The following STAU2 variants were observed in gnomAD, a reference collection of about 807,000 sequenced individuals.
STAU2 encodes the protein staufen double-stranded RNA binding protein 2.
In STAU2, 20 loss-of-function variants were observed where a neutral mutation model predicts 65.9. The ratio of observed to expected loss-of-function variants is 0.30; its 90% CI spans 0.21 to 0.44. The LOEUF (loss-of-function observed/expected upper bound fraction) is 0.44. Among genes scored for constraint, STAU2 ranks in the 20% least tolerant of loss-of-function variants. STAU2 has a pLI of 1.00. For missense variants in STAU2, 558 were observed against 683.9 expected, an observed-to-expected ratio of 0.82 and a Z score of 2.05; for synonymous variants, 232 against 233.9, an observed-to-expected ratio of 0.99 and a Z score of 0.07.
chr8:73,571,793 C>G (rs564722751), intron 12 of STAU2, among the ~76,000 whole-genome samples: 107 of 152,178 alleles, frequency 7.0e-4, no homozygotes, highest in Admixed American at 2.2e-3. Flanking sequence ...CAAGAGAAAG[C>G]AGGAAAGATC....
chr8:73,541,377 A>G (rs1806532728), intron 13 of STAU2, among the ~76,000 whole-genome samples: 1 of 152,184 alleles, frequency 6.6e-6, no homozygotes, highest in African/African-American at 2.4e-5. Flanking sequence ...AATACTGAGT[A>G]GACTGTATCA....
intron 8 of STAU2, among the ~76,000 whole-genome samples, chr8:73,614,844 T>C (rs1004217544): frequency 6.6e-6 from 1 of 152,208 alleles, no homozygotes; most frequent in Non-Finnish European, 1.5e-5. Context: ...CAATAGGATC[T>C]CAAGTACATT....
intron 10 of STAU2, among the ~76,000 whole-genome samples, 178 bp from the exon 11 acceptor site, chr8:73,595,475 G>T (rs1811113830): frequency 6.6e-6 from 1 of 151,988 alleles, no homozygotes; most frequent in Non-Finnish European, 1.5e-5. Context: ...TGAAAAAATG[G>T]TCCTTAAAGT....
intron 5 of STAU2, chr8:73,675,523 C>T (rs763540013): frequency 6.6e-6 from 1 of 152,178 alleles, no homozygotes; most frequent in African/African-American, 2.4e-5. Flanking sequence ...CAAAAGTCGT[C>T]ACTGATGGGA....
chr8:73,580,038 C>T (rs1347849964), intron 12 of STAU2, among the ~76,000 whole-genome samples: 1 of 152,048 alleles, frequency 6.6e-6, no homozygotes, highest in East Asian at 1.9e-4. Flanking sequence ...GATTAAAATT[C>T]CCCTCTTTCC....
chr8:73,604,139 A>G (rs1321676416), intron 9 of STAU2, among the ~76,000 whole-genome samples: 2 of 152,102 alleles, frequency 1.3e-5, no homozygotes, highest in Non-Finnish European at 1.5e-5. Context: ...GTGCTTCACA[A>G]CTTCTGTTCA....
intron 5 of STAU2, among the ~76,000 whole-genome samples, chr8:73,688,135 T>C (rs1819070123): frequency 6.6e-6 from 1 of 152,080 alleles, no homozygotes; most frequent in Non-Finnish European, 1.5e-5. Flanking sequence ...TAAAGCAAAT[T>C]TTAAAAACAA....
chr8:73,534,200 GAAGAGTACAGGCAGC>G (rs1364313824), intron 13 of STAU2, among the ~76,000 whole-genome samples: 1 of 152,218 alleles, frequency 6.6e-6, no homozygotes, highest in Non-Finnish European at 1.5e-5. Context: ...GCCTTGCACA[GAAGAGTACAGGCAGC>G]AAGGAGCTGA....
At chr8:73,545,020 A>G (rs1806807200) in intron 13 of STAU2, among the ~76,000 whole-genome samples, 1 of 152,180 alleles carries the variant, frequency 6.6e-6, no homozygotes, top group African/African-American at 2.4e-5. Context: ...GCCCAGTGTG[A>G]GCAAACAAAT....
At chr8:73,717,055 A>G (rs1057040647) in intron 3 of STAU2, among the ~76,000 whole-genome samples, 10 of 152,146 alleles carry the variant, frequency 6.6e-5, no homozygotes, top group African/African-American at 2.4e-4. Flanking sequence ...TGAGCCAAGA[A>G]GGTACCACTG....
chr8:73,688,525 TGTGTGTAG>T, intron 5 of STAU2, 121 bp downstream of exon 5: 1 of 728,104 alleles, frequency 1.4e-6, no homozygotes, highest in Non-Finnish European at 2.3e-6. Context: ...TGTGTGTGTG[TGTGTGTAG>T]GTATGGGCAT....
At chr8:73,658,365 C>T (rs561210340) in intron 6 of STAU2, among the ~76,000 whole-genome samples, 9 of 151,840 alleles carry the variant, frequency 5.9e-5, no homozygotes, top group Non-Finnish European at 1.3e-4. Flanking sequence ...AACACTCCAT[C>T]TCAATTAAAA....
chr8:73,464,431 A>G (rs911163426), intron 13 of STAU2, among the ~76,000 whole-genome samples: 3 of 152,210 alleles, frequency 2.0e-5, no homozygotes, highest in African/African-American at 7.2e-5. Flanking sequence ...TTCTATGAAG[A>G]GACTCCAACT....
At chr8:73,661,260 C>A (rs2130322414) in intron 6 of STAU2, among the ~76,000 whole-genome samples, 2 of 152,256 alleles carry the variant, frequency 1.3e-5, no homozygotes, top group Middle Eastern at 6.8e-3. Context: ...AAGGCAGAAG[C>A]TAAGCAACTG....
chr8:73,621,485 C>A (rs1168486453), intron 6 of STAU2, among the ~76,000 whole-genome samples: 1 of 152,164 alleles, frequency 6.6e-6, no homozygotes, highest in Non-Finnish European at 1.5e-5. Context: ...AAGTGATGTA[C>A]ATATTTTTAC....
chr8:73,701,222 T>C (rs931662829), intron 4 of STAU2, among the ~76,000 whole-genome samples: 2 of 152,078 alleles, frequency 1.3e-5, no homozygotes, highest in Admixed American at 1.3e-4. Context: ...TGGGCAAACA[T>C]TTCTTGAGTA....
chr8:73,540,684 T>A (rs532867450), intron 13 of STAU2, among the ~76,000 whole-genome samples: 1 of 152,198 alleles, frequency 6.6e-6, no homozygotes, highest in Non-Finnish European at 1.5e-5. Context: ...CAAAGTCTTT[T>A]GCAGATATCA....
chr8:73,745,888 A>T (rs1424840654), intron 1 of STAU2, among the ~76,000 whole-genome samples: 1 of 152,090 alleles, frequency 6.6e-6, no homozygotes, highest in African/African-American at 2.4e-5. Context: ...CTCCCTAAGA[A>T]TCCCAGAGTG....
intron 13 of STAU2, among the ~76,000 whole-genome samples, chr8:73,449,063 C>T (rs1039650139): frequency 4.6e-5 from 7 of 152,222 alleles, no homozygotes; most frequent in Non-Finnish European, 7.3e-5. Flanking sequence ...GGGAGAGGGC[C>T]GAGCTGGGTG....
Sources: gnomAD v4.1 joint callset for allele counts (sites outside exome capture counted in the v4.1 genomes callset) on GRCh38, gnomAD v4.1.1 for gene constraint, MANE v1.5 for transcripts, NCBI Gene and HGNC (gene_info 2026-07-23, HGNC 2026-07-21) for gene names.